MTX2: variants seen among roughly 807,000 people sequenced by gnomAD.
The protein encoded by MTX2 is metaxin 2.
In MTX2, 35 loss-of-function variants were observed where a neutral mutation model predicts 42.3. The observed-to-expected ratio is 0.83, with a 90% CI of 0.63 to 1.10. MTX2 has a LOEUF of 1.10. MTX2 is among the 50% of genes least tolerant of loss of function. The probability of loss-of-function intolerance (pLI) is 0.00; values close to 1 mark genes in which losing one functional copy is unlikely to be tolerated. For synonymous variants in MTX2, 119 were observed against 100.9 expected (o/e 1.18, Z -1.08); for missense variants, 307 against 304.1 (o/e 1.01, Z -0.07).
At chr2:176,306,710 T>C (rs1684156270) in intron 3 of MTX2, among the ~76,000 whole-genome samples, 2 of 152,264 alleles carry the variant, frequency 1.3e-5, no homozygotes, top group Admixed American at 6.5e-5. Flanking sequence ...AGATGTCTTC[T>C]TTTGAGAAGT....
rs760272780 is a variant in MTX2 at position 176,326,816 on chromosome 2, T to C, written c.209-9T>C. 6.6e-7 allele frequency: 1 copy of C among 1,509,410 alleles called. No homozygotes were observed. Among genetic ancestry groups the C allele is most frequent in the East Asian group, 2.4e-5 (1 of 42,506 alleles). 93.5% of individuals were successfully genotyped at this position (1,509,410 alleles called of 1,614,324 possible). ...TATTTTTATAAATACTTTTTTTTTC[T>C]CTCAACAGGTAAAGTACCTTTTATT... On this transcript the variant is annotated splice_polypyrimidine_tract_variant and intron_variant, in intron 4 of 9. Coordinates refer to ENST00000249442, the MANE Select transcript of MTX2 (RefSeq NM_006554.5).
rs140081524 is a variant in MTX2, at chr2:176,320,350, A to G, written c.136-3042A>G. Among the ~76,000 whole-genome samples, 429 of 152,304 alleles carry G rather than the reference A, an allele frequency of 2.8e-3. 1 individual carries two copies. The highest frequency in any genetic ancestry group is 9.1e-3 in the African/African-American group (378 of 41,576). ...AATATTAATTAGCATAGTTACCACT[A>G]CGCATGTAGTTTAGCAAAATATACT... On this transcript the variant is annotated intron_variant, in intron 3 of 9. Coordinates refer to ENST00000249442, the MANE Select transcript of MTX2 (RefSeq NM_006554.5).
intron 1 of MTX2, among the ~76,000 whole-genome samples, chr2:176,295,241 A>G (rs575002384): frequency 4.8e-4 from 73 of 152,288 alleles, no homozygotes; most frequent in African/African-American, 1.7e-3. Context: ...TGTAATGCAT[A>G]TAATTGAATC....
chr2:176,330,530 T>C (rs537072157), intron 8 of MTX2, 54 bp from the exon 9 acceptor site: 77 of 1,306,992 alleles, frequency 5.9e-5, no homozygotes, highest in Non-Finnish European at 7.7e-5. Context: ...TTAGATACTT[T>C]TTATTGTTTT....
At position 176,332,034 on chromosome 2, in the gene MTX2, CA is replaced by C. The variant is rs376183683; in HGVS notation, c.620+1376del. Reference sequence around the variant, plus strand: ...GATATCATTTTTCTTCATAAGGGCACAATTACATTTACACTTGTGATGAAAA... The same window carrying C: ...GATATCATTTTTCTTCATAAGGGCACATTACATTTACACTTGTGATGAAAA... On this transcript the variant is annotated intron_variant, in intron 9 of 9. Transcript: ENST00000249442. Among the ~76,000 whole-genome samples the C allele has an allele frequency of 2.6e-3, 398 of 151,258 alleles. 3 individuals carry two copies. Among genetic ancestry groups the C allele is most frequent in the African/African-American group, 8.9e-3 (369 of 41,476 alleles).
intron 2 of MTX2, 33 bp downstream of exon 2, chr2:176,296,940 T>G (rs778412797): frequency 3.8e-6 from 6 of 1,576,182 alleles, no homozygotes; most frequent in Non-Finnish European, 1.7e-6. Context: ...AATGGCTTTG[T>G]ATCAAACTAT....
At chr2:176,286,844 C>T (rs948274586) in intron 1 of MTX2, among the ~76,000 whole-genome samples, 4 of 152,014 alleles carry the variant, frequency 2.6e-5, no homozygotes, top group Non-Finnish European at 5.9e-5. Flanking sequence ...CCACCATGCC[C>T]GACCCACTCT....
At chr2:176,296,400 C>A (rs143893894) in intron 1 of MTX2, among the ~76,000 whole-genome samples, 17 of 152,170 alleles carry the variant, frequency 1.1e-4, no homozygotes, top group African/African-American at 4.1e-4. Context: ...TTCTTTCTTA[C>A]AATGTCTGCT....
chr2:176,284,959 C>T (rs377059006), intron 1 of MTX2, among the ~76,000 whole-genome samples: 39 of 152,194 alleles, frequency 2.6e-4, no homozygotes, highest in Middle Eastern at 3.2e-3. Context: ...TTAGGAAATA[C>T]ATAACTTTAT....
intron 1 of MTX2, among the ~76,000 whole-genome samples, chr2:176,273,202 T>G (rs998212549): frequency 6.6e-6 from 1 of 152,232 alleles, no homozygotes; most frequent in African/African-American, 2.4e-5. Context: ...TCTAGTCATC[T>G]CTTAACAATC....
At chr2:176,282,999 G>A (rs1351952368) in intron 1 of MTX2, among the ~76,000 whole-genome samples, 1 of 152,092 alleles carries the variant, frequency 6.6e-6, no homozygotes, top group African/African-American at 2.4e-5. Context: ...ATCACACCTG[G>A]CCAATCTAGT....
At chr2:176,304,122 A>T (rs1468357836) in intron 3 of MTX2, 2 of 154,402 alleles carry the variant, frequency 1.3e-5, no homozygotes, top group Non-Finnish European at 2.9e-5. Flanking sequence ...AAATACACTT[A>T]AATTTGAGGC....
At chr2:176,317,756 T>C (rs1460375495) in intron 3 of MTX2, among the ~76,000 whole-genome samples, 1 of 152,168 alleles carries the variant, frequency 6.6e-6, no homozygotes, top group Non-Finnish European at 1.5e-5. Flanking sequence ...ACTTTGCCTC[T>C]TTCAGAGTGG....
chr2:176,282,163 A>G (rs1279862445), intron 1 of MTX2, among the ~76,000 whole-genome samples: 1 of 48,492 alleles, frequency 2.1e-5, no homozygotes, highest in South Asian at 7.4e-4. Context: ...TTGCTGTCAG[A>G]TATCTTTCAG....
chr2:176,313,648 C>T (rs1684370764), intron 3 of MTX2, among the ~76,000 whole-genome samples: 1 of 152,280 alleles, frequency 6.6e-6, no homozygotes, highest in South Asian at 2.1e-4. Flanking sequence ...CCGCCTTGAC[C>T]TCCCAAGGTG....
intron 3 of MTX2, among the ~76,000 whole-genome samples, chr2:176,299,710 C>T (rs1193361427): frequency 6.6e-6 from 1 of 151,996 alleles, no homozygotes; most frequent in African/African-American, 2.4e-5. Flanking sequence ...TAATTTTCTT[C>T]TATATAGTGG....
intron 9 of MTX2, among the ~76,000 whole-genome samples, chr2:176,334,301 A>AGT (rs1328555993): frequency 6.6e-6 from 1 of 151,890 alleles, no homozygotes; most frequent in African/African-American, 2.4e-5. Flanking sequence ...TTTAGGCTCT[A>AGT]GTACAAGAAG....
intron 3 of MTX2, among the ~76,000 whole-genome samples, chr2:176,310,938 A>G (rs1435013495): frequency 6.6e-6 from 1 of 152,214 alleles, no homozygotes; most frequent in Middle Eastern, 3.4e-3. Flanking sequence ...GCTTTGTTCC[A>G]TTGCTGGCGA....
At chr2:176,270,364 T>G (rs773445212) in intron 1 of MTX2, 2 of 1,362,802 alleles carry the variant, frequency 1.5e-6, no homozygotes, top group Admixed American at 1.9e-5. Context: ...TAAATCTGCA[T>G]GTACTTTAAA....
Sources: allele counts gnomAD v4.1 joint callset (sites outside exome capture counted in the v4.1 genomes callset), GRCh38; gene constraint gnomAD v4.1.1; transcripts MANE v1.5; gene names NCBI Gene and HGNC (gene_info 2026-07-23, HGNC 2026-07-21).